Variants in TNR observed in about 807,000 individuals in gnomAD.
The protein encoded by TNR is tenascin-R.
A neutral mutation model predicts 150.4 loss-of-function variants in TNR; 45 were observed. The observed-to-expected ratio is 0.30, with a 90% CI of 0.24 to 0.38. The LOEUF is 0.38. Among genes scored for constraint, TNR ranks in the 10% least tolerant of loss-of-function variants. The probability of loss-of-function intolerance (pLI) is 1.00; values close to 1 mark genes in which losing one functional copy is unlikely to be tolerated. For missense variants in TNR, 1,544 were observed against 1,759.1 expected (o/e 0.88, Z 2.19); for synonymous variants, 687 against 678.4 (o/e 1.01, Z -0.20).
intron 2 of TNR, among the ~76,000 whole-genome samples, chr1:175,517,636 G>C (rs1460571260): frequency 1.3e-5 from 2 of 152,176 alleles, no homozygotes; most frequent in East Asian, 3.9e-4. Flanking sequence ...CTACGAATCT[G>C]TATTTTTGTA....
rs139932868 is a variant in TNR, at chr1:175,638,036, A to G, written c.-165+105190T>C. Among the ~76,000 whole-genome samples, 510 of 152,314 alleles carry G rather than the reference A, an allele frequency of 3.3e-3. 1 individual carries two copies. Among genetic ancestry groups the G allele is most frequent in the African/African-American group, 0.012 (487 of 41,560 alleles). Reference sequence around the variant, plus strand: ...TCCTCCATTACTTGACAAGCTGCATAGAAGCATCTAGTTGCTCCTCTCTGC... The same window carrying G: ...TCCTCCATTACTTGACAAGCTGCATGGAAGCATCTAGTTGCTCCTCTCTGC... On this transcript the variant is annotated intron_variant, in intron 1 of 22. Transcript: ENST00000367674.
intron 2 of TNR, among the ~76,000 whole-genome samples, chr1:175,421,581 C>T (rs746353995): frequency 6.6e-6 from 1 of 152,180 alleles, no homozygotes; most frequent in South Asian, 2.1e-4. Context: ...GAATATTATA[C>T]CTTCATTAGT....
Position 175,416,919 on chromosome 1 carries a change from A to G in TNR, c.-63-10142T>C, listed in dbSNP as rs559368455. 6.6e-5 allele frequency among the ~76,000 whole-genome samples: 10 copies of G among 152,144 alleles called. No homozygotes were observed. The South Asian group carries it at 2.1e-3, about 32-fold the overall frequency. ...GCTACTCGGGAGGCTGAGGCAGGAG[A>G]ATGGCGTGAACCCGGGAGGCGGAGC... On this transcript the variant is annotated intron_variant, in intron 2 of 22. Coordinates refer to ENST00000367674, the MANE Select transcript of TNR (RefSeq NM_003285.3).
intron 1 of TNR, among the ~76,000 whole-genome samples, chr1:175,717,419 G>A (rs1174338144): frequency 9.2e-5 from 14 of 152,126 alleles, no homozygotes; most frequent in Admixed American, 7.2e-4. Flanking sequence ...AAACTGCACT[G>A]TACCCCACGA....
At chr1:175,568,914 A>T (rs1262528490) in intron 1 of TNR, among the ~76,000 whole-genome samples, 2 of 152,158 alleles carry the variant, frequency 1.3e-5, no homozygotes, top group Non-Finnish European at 2.9e-5. Flanking sequence ...ACTAAGGAAA[A>T]GTTCCTTTGA....
chr1:175,372,923 C>T (rs955922066), intron 9 of TNR, among the ~76,000 whole-genome samples: 1 of 152,220 alleles, frequency 6.6e-6, no homozygotes, highest in African/African-American at 2.4e-5. Flanking sequence ...ACTGAGGACC[C>T]TGTCCCCAAG....
At chr1:175,642,302 C>T (rs1664689768) in intron 1 of TNR, among the ~76,000 whole-genome samples, 1 of 152,118 alleles carries the variant, frequency 6.6e-6, no homozygotes, top group South Asian at 2.1e-4. Flanking sequence ...GTGTTGCAAA[C>T]TTAGGAAATA....
chr1:175,403,445 T>A lies in TNR; in HGVS notation c.671A>T (p.Glu224Val). The change falls in exon 4 of 23, where the codon GAG (glutamate) becomes GTG (valine). Residue 224 changes from glutamate to valine, a missense_variant. Physicochemically the swap from Glu to Val is moderately radical, Grantham distance 121 (BLOSUM62 -2). Transcript: ENST00000367674. ...CVDGQCICDS[E>V]YSGDDCSELR... ...TTCGGAACAGTCATCCCCGCTGTACTCGCTGTCACAGATGCACTGGCCATC... is the reference window on the plus strand; with the variant it reads ...TTCGGAACAGTCATCCCCGCTGTACACGCTGTCACAGATGCACTGGCCATC... The A allele has an allele frequency of 6.2e-7, 1 of 1,614,194 alleles. No individual in the cohort carries two copies. Among genetic ancestry groups the A allele is most frequent in the Non-Finnish European group, 8.5e-7 (1 of 1,180,030 alleles).
At position 175,677,804 on chromosome 1, in the gene TNR, C is replaced by T. The variant is rs548451165; in HGVS notation, c.-165+65422G>A. Among the ~76,000 whole-genome samples the T allele has an allele frequency of 3.9e-5, 6 of 152,184 alleles. No homozygotes were observed. The South Asian group carries it at 6.2e-4, about 16-fold the overall frequency. Reference sequence around the variant, plus strand: ...GGGAATTAAAAATCTCTGCACACCTCGCTGGATTCTAAATAATAGACAGGA... The same window carrying T: ...GGGAATTAAAAATCTCTGCACACCTTGCTGGATTCTAAATAATAGACAGGA... On this transcript the variant is annotated intron_variant, in intron 1 of 22. Transcript: ENST00000367674.
At chr1:175,651,926 T>C (rs2101890147) in intron 1 of TNR, among the ~76,000 whole-genome samples, 1 of 151,582 alleles carries the variant, frequency 6.6e-6, no homozygotes, top group East Asian at 1.9e-4. Context: ...TTCAAATTAC[T>C]ATGTTCATGG....
At chr1:175,338,782 C>T (rs11582874) in intron 18 of TNR, among the ~76,000 whole-genome samples, 6,847 of 152,236 alleles carry the variant, frequency 0.045, 190 homozygotes, top group Middle Eastern at 0.095. Context: ...ATAGCAACCT[C>T]ACTGAAAACC....
At chr1:175,644,463 A>G (rs1341661122) in intron 1 of TNR, among the ~76,000 whole-genome samples, 1 of 152,234 alleles carries the variant, frequency 6.6e-6, no homozygotes, top group African/African-American at 2.4e-5. Flanking sequence ...TGGAAGATGA[A>G]GAAAAACTGA....
intron 2 of TNR, among the ~76,000 whole-genome samples, chr1:175,451,619 AGAG>A (rs1571459108): frequency 1.3e-5 from 2 of 152,218 alleles, no homozygotes; most frequent in African/African-American, 4.8e-5. Flanking sequence ...ACGCCGTCCC[AGAG>A]GAGCAGACAT....
chr1:175,380,135 A>C (rs905486830), intron 8 of TNR, among the ~76,000 whole-genome samples: 1 of 152,200 alleles, frequency 6.6e-6, no homozygotes, highest in African/African-American at 2.4e-5. Flanking sequence ...CACTAAACAA[A>C]AAGAAGACTG....
At chr1:175,676,619 C>G (rs1322962783) in intron 1 of TNR, among the ~76,000 whole-genome samples, 1 of 152,148 alleles carries the variant, frequency 6.6e-6, no homozygotes, top group African/African-American at 2.4e-5. Context: ...GAAGACTCAC[C>G]AGCAACAACC....
At chr1:175,339,967 A>G (rs1429950365) in intron 18 of TNR, among the ~76,000 whole-genome samples, 1 of 152,248 alleles carries the variant, frequency 6.6e-6, no homozygotes, top group East Asian at 1.9e-4. Flanking sequence ...AGTTGCTTTA[A>G]AGCTAGACCT....
At chr1:175,427,663 TTCCTTCC>T (rs1655053984) in intron 2 of TNR, among the ~76,000 whole-genome samples, 2 of 46,064 alleles carry the variant, frequency 4.3e-5, no homozygotes, top group African/African-American at 2.3e-4. Context: ...TTTTGTTTCC[TTCCTTCC>T]TTCCTTCCTT....
chr1:175,374,998 A>C (rs954888560), intron 9 of TNR, among the ~76,000 whole-genome samples: 8 of 152,310 alleles, frequency 5.3e-5, no homozygotes, highest in African/African-American at 1.9e-4. Context: ...TTTTTGATGA[A>C]AGATTAGAGC....
At chr1:175,368,720 C>T (rs1023685098) in intron 9 of TNR, among the ~76,000 whole-genome samples, 2 of 152,268 alleles carry the variant, frequency 1.3e-5, no homozygotes, top group South Asian at 4.1e-4. Flanking sequence ...GAGGCCAAGG[C>T]GGGTGGATCA....
Sources: gnomAD v4.1 joint callset for allele counts (sites outside exome capture counted in the v4.1 genomes callset) on GRCh38, gnomAD v4.1.1 for gene constraint, MANE v1.5 for transcripts, NCBI Gene and HGNC (gene_info 2026-07-23, HGNC 2026-07-21) for gene names.